Variants in DHRS4L2 observed in about 807,000 individuals in gnomAD.
The protein encoded by DHRS4L2 is dehydrogenase/reductase 4 like 2.
In DHRS4L2, 22 loss-of-function variants were observed where a neutral mutation model predicts 23.9. The observed-to-expected ratio is 0.92, with a 90% CI of 0.66 to 1.31. The LOEUF (loss-of-function observed/expected upper bound fraction) is 1.31. Ranked by LOEUF, DHRS4L2 falls within the 40% of genes most tolerant of loss-of-function variation. The pLI, the probability that DHRS4L2 is intolerant of heterozygous loss-of-function variation, is 0.00. For missense variants in DHRS4L2, 385 were observed against 303.3 expected, an observed-to-expected ratio of 1.27 and a Z score of -2.00; for synonymous variants, 141 against 123.7, an observed-to-expected ratio of 1.14 and a Z score of -0.93.
chr14:23,979,123 C>CA (rs1347561206), intron 1 of DHRS4L2, among the ~76,000 whole-genome samples: 3 of 145,276 alleles, frequency 2.1e-5, no homozygotes, highest in African/African-American at 7.7e-5. Flanking sequence ...AAATGCAAAG[C>CA]AAAAAAAAGC....
intron 2 of DHRS4L2, among the ~76,000 whole-genome samples, chr14:23,991,141 A>G (rs1353411771): frequency 6.6e-6 from 1 of 151,770 alleles, no homozygotes; most frequent in Non-Finnish European, 1.5e-5. Context: ...AAAGTACAGG[A>G]TTCTGCTAAC....
chr14:23,969,881 G>C (rs2033807961), exon 1 of DHRS4L2: 2 of 408,028 alleles, frequency 4.9e-6, no homozygotes, highest in Non-Finnish European at 9.8e-6. Flanking sequence ...CGCATGCTCA[G>C]TCGGGCAGCT....
At chr14:23,997,788 G>T (rs553749482) in intron 3 of DHRS4L2, among the ~76,000 whole-genome samples, 1 of 151,536 alleles carries the variant, frequency 6.6e-6, no homozygotes, top group Admixed American at 6.6e-5. Context: ...CGTCATCCAT[G>T]AGGGTTGGAA....
At chr14:24,001,540 T>C (rs779080323) in intron 6 of DHRS4L2, 23 bp downstream of exon 6, 14 of 1,600,014 alleles carry the variant, frequency 8.7e-6, no homozygotes, top group Admixed American at 5.1e-5. Flanking sequence ...AGCTTTGCAT[T>C]TGACTGGGAC....
chr14:23,995,787 T>C (rs1418216459), intron 3 of DHRS4L2, among the ~76,000 whole-genome samples: 2 of 151,792 alleles, frequency 1.3e-5, no homozygotes, highest in African/African-American at 4.8e-5. Context: ...TTAATTAAAA[T>C]ATTTGTCTTT....
chr14:23,980,876 T>G (rs1250995416), intron 1 of DHRS4L2, among the ~76,000 whole-genome samples: 23 of 151,622 alleles, frequency 1.5e-4, no homozygotes, highest in African/African-American at 5.6e-4. Context: ...CTGGATGCAT[T>G]CCCTTTGAAA....
chr14:23,983,951 C>T (rs965496390), upstream of DHRS4L2, among the ~76,000 whole-genome samples: 3 of 151,182 alleles, frequency 2.0e-5, no homozygotes, highest in African/African-American at 7.3e-5. Flanking sequence ...TTGATGGGTG[C>T]GGTAAACCAC....
intron 1 of DHRS4L2, among the ~76,000 whole-genome samples, chr14:23,981,175 C>G (rs2034045094): frequency 6.6e-6 from 1 of 151,446 alleles, no homozygotes; most frequent in African/African-American, 2.4e-5. Context: ...AGACAGAGAG[C>G]CAAATCATGA....
Position 23,981,317 on chromosome 14 carries a change from T to C in DHRS4L2, c.-175-8865T>C, listed in dbSNP as rs1291397028. 4.0e-5 allele frequency among the ~76,000 whole-genome samples: 6 copies of C among 151,482 alleles called. 1 individual carries two copies. The highest frequency in any genetic ancestry group is 1.2e-4 in the African/African-American group (5 of 41,206). On this transcript the variant is annotated intron_variant, in intron 1 of 5. Transcript: ENST00000534993. Reference sequence around the variant, plus strand: ...GGAAATAAGTGAGGACACAAACAAATGGAAAAACAGTCCATGCTCATGGAT... The same window carrying C: ...GGAAATAAGTGAGGACACAAACAAACGGAAAAACAGTCCATGCTCATGGAT...
At chr14:23,985,370 T>A (rs1389169651), upstream of DHRS4L2, among the ~76,000 whole-genome samples, 1 of 151,668 alleles carries the variant, frequency 6.6e-6, no homozygotes, top group Non-Finnish European at 1.5e-5. Context: ...GTTAACACTC[T>A]TACTATTATT....
chr14:23,971,363 C>T (rs200885222), intron 1 of DHRS4L2, among the ~76,000 whole-genome samples: 2 of 152,046 alleles, frequency 1.3e-5, no homozygotes, highest in East Asian at 3.9e-4. Context: ...GATACACAAG[C>T]TTCAATAGCT....
intron 3 of DHRS4L2, among the ~76,000 whole-genome samples, chr14:23,999,329 C>G (rs113129683): frequency 8.2e-5 from 9 of 110,270 alleles, no homozygotes; most frequent in South Asian, 3.1e-4. Flanking sequence ...AGGGTTGCCA[C>G]GAAACTCCAA....
rs1481457288 is a variant in DHRS4L2 at position 24,006,049 on chromosome 14, C to T, written c.*186C>T. 4.4e-6 allele frequency: 7 copies of T among 1,598,526 alleles called. No homozygotes were observed. The highest frequency in any genetic ancestry group is 6.0e-6 in the Non-Finnish European group (7 of 1,173,466). Reference sequence around the variant, plus strand: ...CAGAGTTGGGCTCTAGCTCCTGGTGCTGTTCCTGCATTCACCCACTGGCCT... The same window carrying T: ...CAGAGTTGGGCTCTAGCTCCTGGTGTTGTTCCTGCATTCACCCACTGGCCT... On this transcript the variant is annotated 3_prime_UTR_variant, in exon 8 of 8. Transcript: ENST00000335125.
At chr14:23,993,684 G>C (rs56404379) in intron 2 of DHRS4L2, among the ~76,000 whole-genome samples, 1 of 151,468 alleles carries the variant, frequency 6.6e-6, no homozygotes. Flanking sequence ...GCCTTTCTTC[G>C]CTTTCTCAAT....
intron 1 of DHRS4L2, among the ~76,000 whole-genome samples, chr14:23,989,640 T>A (rs1367232255): frequency 1.3e-5 from 2 of 151,572 alleles, no homozygotes; most frequent in East Asian, 3.8e-4. Flanking sequence ...TGCCAGCTCT[T>A]CACAAAACTA....
intron 3 of DHRS4L2, among the ~76,000 whole-genome samples, chr14:23,998,005 A>AC (rs1566499196): frequency 6.6e-6 from 1 of 151,860 alleles, no homozygotes; most frequent in Non-Finnish European, 1.5e-5. Flanking sequence ...AGTCAGAATT[A>AC]CCCCCGATCC....
chr14:23,982,589 A>G (rs1387254470), intron 1 of DHRS4L2, among the ~76,000 whole-genome samples: 1 of 151,560 alleles, frequency 6.6e-6, no homozygotes, highest in Non-Finnish European at 1.5e-5. Context: ...ACAGCATGGT[A>G]ATAGTACCAA....
rs1314947217 is a variant in DHRS4L2, at chr14:24,005,927, T to C, written c.*64T>C. 4 of 1,610,412 alleles carry C rather than the reference T, an allele frequency of 2.5e-6. No individual in the cohort carries two copies. Among genetic ancestry groups the C allele is most frequent in the Non-Finnish European group, 3.4e-6 (4 of 1,178,604 alleles). Reference sequence around the variant, plus strand: ...GATTGTGCTGGCATCGTGTCTTTCCTGTGCTCTGAAGATGCCAGCTACATC... The same window carrying C: ...GATTGTGCTGGCATCGTGTCTTTCCCGTGCTCTGAAGATGCCAGCTACATC... On this transcript the variant is annotated 3_prime_UTR_variant, in exon 8 of 8. Coordinates refer to ENST00000335125, the MANE Select transcript of DHRS4L2 (RefSeq NM_198083.4).
chr14:24,005,884 A>G lies in DHRS4L2; in HGVS notation c.*23-2A>G, dbSNP rs1217111908. ...TCCTTCCTTGCTTCCCTTATTCCCC[A>G]GGTTAGGCGAGCCAGAGGATTGTGC... On this transcript the variant is annotated splice_acceptor_variant, in intron 7 of 7. Coordinates refer to ENST00000335125, the MANE Select transcript of DHRS4L2 (RefSeq NM_198083.4). LOFTEE classifies it low-confidence loss of function (3UTR_SPLICE). 1.2e-6 allele frequency: 2 copies of G among 1,608,880 alleles called. No individual in the cohort carries two copies. Among genetic ancestry groups the G allele is most frequent in the South Asian group, 1.1e-5 (1 of 90,046 alleles).
Sources: gnomAD v4.1 joint callset for allele counts (sites outside exome capture counted in the v4.1 genomes callset) on GRCh38, gnomAD v4.1.1 for gene constraint, MANE v1.5 for transcripts, NCBI Gene and HGNC (gene_info 2026-07-23, HGNC 2026-07-21) for gene names.